Variants in SRRM3 observed in about 807,000 individuals in gnomAD.
SRRM3 encodes serine/arginine repetitive matrix 3.
SRRM3 carries 27 observed loss-of-function variants against 66.2 expected under a neutral mutation model. The observed-to-expected ratio is 0.41, with a 90% CI of 0.30 to 0.56. The LOEUF is 0.56. SRRM3 is among the 20% of genes least tolerant of loss of function. SRRM3 has a pLI of 0.32. For missense variants in SRRM3, 918 were observed against 991.9 expected (o/e 0.93, Z 1.00); for synonymous variants, 391 against 414.9 (o/e 0.94, Z 0.70).
rs34478728 is a variant in SRRM3, at chr7:76,257,443, TAAAAAAAA to T, written c.336-2448_336-2441del. Reference sequence around the variant, plus strand: ...AGGGTCACTTCCAGGCTTGTTCAATTAAAAAAAAAAAAAAAAAAAAAAGAAGGCCAGGC... The same window carrying T: ...AGGGTCACTTCCAGGCTTGTTCAATTAAAAAAAAAAAAAAGAAGGCCAGGC... On this transcript the variant is annotated intron_variant, in intron 3 of 14. Transcript: ENST00000611745. 2.1e-5 allele frequency among the ~76,000 whole-genome samples: 2 copies of T among 95,284 alleles called. 1 individual carries two copies. 62.5% of individuals were successfully genotyped at this position (95,284 alleles called of 152,430 possible).
intron 11 of SRRM3, among the ~76,000 whole-genome samples, chr7:76,275,706 G>A (rs892040243): frequency 5.9e-5 from 9 of 152,094 alleles, no homozygotes; most frequent in African/African-American, 1.7e-4. Context: ...TTGTCCTTCA[G>A]AGTACCAGGA....
At chr7:76,208,459 A>T (rs1467579164) in intron 1 of SRRM3, among the ~76,000 whole-genome samples, 1 of 151,742 alleles carries the variant, frequency 6.6e-6, no homozygotes, top group Non-Finnish European at 1.5e-5. Flanking sequence ...ACTTGAGCCC[A>T]GGAGTTGAAG....
chr7:76,277,179 A>G (rs1011449122), intron 11 of SRRM3, among the ~76,000 whole-genome samples: 4 of 152,186 alleles, frequency 2.6e-5, no homozygotes, highest in African/African-American at 7.2e-5. Context: ...GGATCAGCAC[A>G]GGGGATTGGA....
At chr7:76,266,764 C>T (rs1224356064) in intron 10 of SRRM3, among the ~76,000 whole-genome samples, 2 of 148,482 alleles carry the variant, frequency 1.3e-5, no homozygotes, top group African/African-American at 5.0e-5. Context: ...CCTCCGCCTC[C>T]GGGATTCAAG....
rs1554609868 is a variant in SRRM3 at position 76,267,280 on chromosome 7, G to C, written c.853G>C (p.Glu285Gln). ...PSRLSPKHRD[E>Q]GRKTGSQRSS... ...CAGGCTGAGCCCCAAGCACCGAGACGAAGGGCGAAAGACGGGCAGCCAGCG... is the reference window on the plus strand; with the variant it reads ...CAGGCTGAGCCCCAAGCACCGAGACCAAGGGCGAAAGACGGGCAGCCAGCG... Residue 285 changes from glutamate (E) to glutamine (Q), a missense_variant, in exon 11 of 15, where the codon GAA becomes CAA. Coordinates refer to ENST00000611745, the MANE Select transcript of SRRM3 (RefSeq NM_001110199.3). The C allele has an allele frequency of 3.9e-6, 6 of 1,556,182 alleles. No homozygotes were observed. The highest frequency in any genetic ancestry group is 1.2e-5 in the South Asian group (1 of 85,636).
intron 3 of SRRM3, among the ~76,000 whole-genome samples, chr7:76,255,071 G>C (rs1490640165): frequency 6.6e-6 from 1 of 151,430 alleles, no homozygotes; most frequent in African/African-American, 2.4e-5. Context: ...AAGTTCTTGA[G>C]AATGGCCTCA....
At chr7:76,232,488 C>G (rs1341841328) in intron 1 of SRRM3, among the ~76,000 whole-genome samples, 1 of 152,020 alleles carries the variant, frequency 6.6e-6, no homozygotes. Context: ...GGGAGAATCA[C>G]TTGAACCCAG....
intron 1 of SRRM3, among the ~76,000 whole-genome samples, chr7:76,233,893 CCT>C (rs1403268386): frequency 6.6e-6 from 1 of 152,134 alleles, no homozygotes; most frequent in Non-Finnish European, 1.5e-5. Flanking sequence ...TGTCACAGTC[CCT>C]CTCTCTTCTC....
intron 3 of SRRM3, among the ~76,000 whole-genome samples, chr7:76,252,183 G>T (rs1387378510): frequency 1.3e-5 from 2 of 152,174 alleles, no homozygotes; most frequent in South Asian, 2.1e-4. Flanking sequence ...AGTATCTATC[G>T]AGTCGGAAGG....
intron 11 of SRRM3, among the ~76,000 whole-genome samples, chr7:76,281,222 G>A (rs1802491826): frequency 7.0e-6 from 1 of 142,364 alleles, no homozygotes; most frequent in Admixed American, 7.0e-5. Flanking sequence ...CTCTCTCTCC[G>A]TCTCTTTTTC....
chr7:76,246,578 A>T (rs1407592516), intron 2 of SRRM3, among the ~76,000 whole-genome samples: 1 of 151,832 alleles, frequency 6.6e-6, no homozygotes, highest in African/African-American at 2.4e-5. Context: ...AATAAAAATT[A>T]AAAAAAAGAG....
chr7:76,246,524 A>G (rs888553085), intron 2 of SRRM3, among the ~76,000 whole-genome samples: 3 of 152,150 alleles, frequency 2.0e-5, no homozygotes, highest in Admixed American at 6.6e-5. Flanking sequence ...AGATCGCACC[A>G]CTGCACTCCA....
At chr7:76,278,129 TG>T (rs1171280603) in intron 11 of SRRM3, among the ~76,000 whole-genome samples, 2 of 151,606 alleles carry the variant, frequency 1.3e-5, no homozygotes, top group African/African-American at 4.9e-5. Flanking sequence ...CCTCCTGGAG[TG>T]GGGGGAGTAT....
intron 1 of SRRM3, among the ~76,000 whole-genome samples, chr7:76,208,797 T>G (rs1554601391): frequency 7.1e-6 from 1 of 141,778 alleles, no homozygotes; most frequent in Non-Finnish European, 1.5e-5. Context: ...ATCACGCCAC[T>G]GCACTCCAGC....
intron 11 of SRRM3, among the ~76,000 whole-genome samples, chr7:76,280,763 C>G (rs1802476182): frequency 7.4e-6 from 1 of 135,122 alleles, no homozygotes; most frequent in South Asian, 2.9e-4. Flanking sequence ...TTCTCTCCCC[C>G]CACCCCACCC....
chr7:76,229,060 G>A (rs990600848), intron 1 of SRRM3, among the ~76,000 whole-genome samples: 5 of 151,758 alleles, frequency 3.3e-5, no homozygotes, highest in South Asian at 2.1e-4. Context: ...CACTACACCC[G>A]GCTAATTTTT....
intron 1 of SRRM3, among the ~76,000 whole-genome samples, chr7:76,202,495 A>G (rs782795525): frequency 6.6e-6 from 1 of 152,096 alleles, no homozygotes; most frequent in Non-Finnish European, 1.5e-5. Context: ...GTCCAGCAGG[A>G]GGTGCCGGCC....
At chr7:76,281,372 T>G in intron 11 of SRRM3, 69 bp from the exon 12 acceptor site, 1 of 1,109,462 alleles carries the variant, frequency 9.0e-7, no homozygotes, top group Non-Finnish European at 1.1e-6. Context: ...TCCTCTCTTC[T>G]CTCTCTGTCT....
intron 8 of SRRM3, among the ~76,000 whole-genome samples, chr7:76,263,334 G>C (rs2117065208): frequency 6.6e-6 from 1 of 152,346 alleles, no homozygotes; most frequent in South Asian, 2.1e-4. Context: ...GTATGGCTTT[G>C]TTTTGGGGTC....
Sources: gnomAD v4.1 joint callset for allele counts (sites outside exome capture counted in the v4.1 genomes callset) on GRCh38, gnomAD v4.1.1 for gene constraint, MANE v1.5 for transcripts, NCBI Gene and HGNC (gene_info 2026-07-23, HGNC 2026-07-21) for gene names.